The following CACNA1C variants were observed in gnomAD, a reference collection of about 807,000 sequenced individuals.
CACNA1C encodes the protein voltage-dependent L-type calcium channel subunit alpha-1C.
A neutral mutation model predicts 229.0 loss-of-function variants in CACNA1C; 30 were observed. The observed-to-expected ratio is 0.13, with a 90% CI of 0.10 to 0.18. The LOEUF (loss-of-function observed/expected upper bound fraction) is 0.18. CACNA1C is among the 10% of genes least tolerant of loss of function. CACNA1C has a pLI of 1.00. For missense variants in CACNA1C, 1,658 were observed against 2,845.0 expected (o/e 0.58, Z 9.49); for synonymous variants, 1,114 against 1,132.5 (o/e 0.98, Z 0.33).
At chr12:2,036,469 C>T (rs2049157419) in intron 1 of CACNA1C, among the ~76,000 whole-genome samples, 2 of 152,128 alleles carry the variant, frequency 1.3e-5, no homozygotes, top group South Asian at 4.2e-4. Context: ...CATCCTCCCT[C>T]CCCTTTCCTA....
chr12:2,011,632 T>C (rs1362694047), intron 1 of CACNA1C, among the ~76,000 whole-genome samples: 2 of 152,168 alleles, frequency 1.3e-5, no homozygotes, highest in Non-Finnish European at 2.9e-5. Context: ...TACAAACATG[T>C]AGAAAAGCCC....
chr12:2,188,173 CCT>C (rs564310338), intron 3 of CACNA1C, among the ~76,000 whole-genome samples: 49 of 152,200 alleles, frequency 3.2e-4, no homozygotes, highest in Admixed American at 5.2e-4. Context: ...AGTCCCAGAC[CCT>C]CAGATAGTTG....
chr12:2,466,136 G>A (rs989587177), intron 5 of CACNA1C, among the ~76,000 whole-genome samples: 1 of 152,110 alleles, frequency 6.6e-6, no homozygotes, highest in Non-Finnish European at 1.5e-5. Context: ...TTAGCAAGCG[G>A]TGCCAGTTAA....
chr12:2,004,407 G>C (rs150430683), intron 1 of CACNA1C: 3 of 1,611,354 alleles, frequency 1.9e-6, no homozygotes, highest in East Asian at 4.5e-5. Flanking sequence ...TTTCCCACCA[G>C]GCCGCCTGCC....
intron 29 of CACNA1C, among the ~76,000 whole-genome samples, chr12:2,627,338 A>C (rs138290305): frequency 6.6e-6 from 1 of 152,198 alleles, no homozygotes; most frequent in East Asian, 1.9e-4. Context: ...AATACAATTT[A>C]TATTATCTCT....
At chr12:2,277,268 T>C (rs1402890880) in intron 3 of CACNA1C, among the ~76,000 whole-genome samples, 3 of 152,024 alleles carry the variant, frequency 2.0e-5, no homozygotes, top group African/African-American at 7.3e-5. Context: ...TTACTTCTTA[T>C]AGTTGTTTCT....
chr12:2,465,836 G>A (rs567307423), intron 5 of CACNA1C, among the ~76,000 whole-genome samples: 3 of 152,058 alleles, frequency 2.0e-5, no homozygotes. Context: ...AGCTGTCACC[G>A]CTCTCTCCCA....
intron 3 of CACNA1C, among the ~76,000 whole-genome samples, chr12:2,195,445 T>C (rs1281676468): frequency 1.3e-5 from 2 of 152,230 alleles, no homozygotes; most frequent in Non-Finnish European, 2.9e-5. Context: ...CAGGATTGAA[T>C]TGGATGCACT....
Position 2,067,491 on chromosome 12 carries a change from T to C in CACNA1C, c.49+13880T>C, listed in dbSNP as rs941319170. Among the ~76,000 whole-genome samples, 2 of 97,924 alleles carry C rather than the reference T, an allele frequency of 2.0e-5. No homozygotes were observed. Among genetic ancestry groups the C allele is most frequent in the East Asian group, 8.2e-4 (2 of 2,432 alleles). The allele number at this position is 97,924 out of a possible 152,430, so 64.2% of individuals were successfully genotyped here. ...GTGTGTGTGTGTGTGTGCGCGCGTGTGCGTGCCTGTATGTAAGGGCAGGCA... is the reference window on the plus strand; with the variant it reads ...GTGTGTGTGTGTGTGTGCGCGCGTGCGCGTGCCTGTATGTAAGGGCAGGCA... On this transcript the variant is annotated intron_variant, in intron 1 of 46. Coordinates refer to ENST00000399655, the MANE Select transcript of CACNA1C (RefSeq NM_000719.7). This position sits in a 1 kb window ranked among gnomAD's most constrained non-coding sequence, Gnocchi z 5.3.
chr12:2,195,540 C>G (rs981737390), intron 3 of CACNA1C, among the ~76,000 whole-genome samples: 2 of 151,986 alleles, frequency 1.3e-5, no homozygotes, highest in Non-Finnish European at 2.9e-5. Flanking sequence ...ATTGCTGTCA[C>G]AAGAAAAAAT....
In CACNA1C at chr12:2,696,572, C is replaced by G. The variant is rs192797869; in HGVS notation, c.*5373C>G. 1 of 148,154 alleles carries G rather than the reference C, an allele frequency of 6.7e-6. No individual in the cohort carries two copies. Among genetic ancestry groups the G allele is most frequent in the Admixed American group, 6.7e-5 (1 of 14,904 alleles). The allele number at this position is 148,154 out of a possible 1,614,324, so 9.2% of individuals were successfully genotyped here. On this transcript the variant is annotated 3_prime_UTR_variant, in exon 47 of 47. Transcript: ENST00000399655. ...ACATTGTACATTCATTTCTAAAATT[C>G]ACTCATGCACCTCAAACCAAGGTCA...
At chr12:2,110,405 G>T (rs1458269730) in intron 1 of CACNA1C, among the ~76,000 whole-genome samples, 1 of 152,202 alleles carries the variant, frequency 6.6e-6, no homozygotes, top group Non-Finnish European at 1.5e-5. Context: ...TCAGGGCCTT[G>T]TTCAGGGGTG....
At chr12:2,136,525 C>T (rs73050436) in intron 3 of CACNA1C, among the ~76,000 whole-genome samples, 25 of 151,264 alleles carry the variant, frequency 1.7e-4, no homozygotes, top group East Asian at 1.5e-3. Flanking sequence ...GCTTTGAATA[C>T]GATGCCTTAA....
intron 3 of CACNA1C, among the ~76,000 whole-genome samples, chr12:2,221,040 A>G (rs886773871): frequency 1.3e-5 from 2 of 152,212 alleles, no homozygotes; most frequent in Non-Finnish European, 2.9e-5. Context: ...CCCCTCTGGG[A>G]CCTGGAAGAC....
In CACNA1C at chr12:2,175,705, A is replaced by C. The variant is rs545347991; in HGVS notation, c.477+55275A>C. Among the ~76,000 whole-genome samples the C allele has an allele frequency of 2.0e-5, 3 of 152,244 alleles. No individual in the cohort carries two copies. In the South Asian group the frequency reaches 6.2e-4, roughly 32 times the overall value. Reference sequence around the variant, plus strand: ...GAAATGCTCATTTTCTGATTCTGTCATTCCTTTTGCGTTGAGTAGCTGGAA... The same window carrying C: ...GAAATGCTCATTTTCTGATTCTGTCCTTCCTTTTGCGTTGAGTAGCTGGAA... On this transcript the variant is annotated intron_variant, in intron 3 of 46. Coordinates refer to ENST00000399655, the MANE Select transcript of CACNA1C (RefSeq NM_000719.7).
chr12:2,548,164 C>T (rs1169357960), intron 9 of CACNA1C, among the ~76,000 whole-genome samples: 2 of 152,126 alleles, frequency 1.3e-5, no homozygotes, highest in Non-Finnish European at 2.9e-5. Flanking sequence ...GTGGTTTGAG[C>T]AAAGCCCCTG....
intron 3 of CACNA1C, among the ~76,000 whole-genome samples, chr12:2,434,438 A>G (rs556780099): frequency 6.9e-4 from 105 of 152,296 alleles, no homozygotes; most frequent in African/African-American, 2.4e-3. Context: ...CCATTTTACA[A>G]CCAAAGAAAT....
chr12:1,971,944 A>G lies in CACNA1C; in HGVS notation c.139+743A>G, dbSNP rs1333436410. 6.6e-6 allele frequency among the ~76,000 whole-genome samples: 1 copy of G among 152,252 alleles called. No homozygotes were observed. The highest frequency in any genetic ancestry group is 2.4e-5 in the African/African-American group (1 of 41,466). On this transcript the variant is annotated intron_variant, in intron 1 of 46. Transcript: ENST00000682462. This position sits in a 1 kb window ranked among gnomAD's most constrained non-coding sequence, Gnocchi z 4.2. ...GTGATAATGTTTGTGTAAATTTTTA[A>G]AAGAAGATATATATCCATTCAATTA...
chr12:2,257,776 CTT>C (rs1201252010), intron 3 of CACNA1C, among the ~76,000 whole-genome samples: 42 of 152,248 alleles, frequency 2.8e-4, no homozygotes, highest in African/African-American at 9.9e-4. Context: ...ACTCTCTAGT[CTT>C]CAGAATGTTC....
Sources: gnomAD v4.1 joint callset for allele counts (sites outside exome capture counted in the v4.1 genomes callset) on GRCh38, gnomAD v4.1.1 for gene constraint, Gnocchi (gnomAD v3.1) non-coding constraint, MANE v1.5 for transcripts, NCBI Gene and HGNC (gene_info 2026-07-23, HGNC 2026-07-21) for gene names.